The following INPP4B variants were observed in gnomAD, a reference collection of about 807,000 sequenced individuals.
INPP4B encodes the protein inositol polyphosphate 4-phosphatase type II.
INPP4B carries 55 observed loss-of-function variants against 122.5 expected under a neutral mutation model. The ratio of observed to expected loss-of-function variants is 0.45; its 90% CI spans 0.36 to 0.56. The LOEUF (loss-of-function observed/expected upper bound fraction) is 0.56, where lower values mean the gene tolerates loss of function less well. INPP4B is among the 20% of genes least tolerant of loss of function. The pLI is 0.00. For missense variants in INPP4B, 1,000 were observed against 1,097.7 expected (o/e 0.91, Z 1.26); for synonymous variants, 403 against 388.7 (o/e 1.04, Z -0.43).
chr4:142,080,120 C>T (rs1773117793), intron 25 of INPP4B, among the ~76,000 whole-genome samples: 1 of 151,934 alleles, frequency 6.6e-6, no homozygotes, highest in Non-Finnish European at 1.5e-5. Flanking sequence ...CTGAGAGGTA[C>T]AAGAGGTTGA....
At chr4:142,628,536 C>T (rs1747107118) in intron 2 of INPP4B, among the ~76,000 whole-genome samples, 1 of 108,030 alleles carries the variant, frequency 9.3e-6, no homozygotes, top group Non-Finnish European at 1.8e-5. Flanking sequence ...ACAATGTGCA[C>T]ATGTACCCTA....
chr4:142,447,338 A>G (rs1813134856), intron 3 of INPP4B, among the ~76,000 whole-genome samples: 1 of 152,136 alleles, frequency 6.6e-6, no homozygotes, highest in Non-Finnish European at 1.5e-5. Context: ...CTGCAGTGAG[A>G]AAAGAGTGAA....
At chr4:142,466,623 G>A (rs1310641818) in intron 2 of INPP4B, among the ~76,000 whole-genome samples, 2 of 152,210 alleles carry the variant, frequency 1.3e-5, no homozygotes, top group African/African-American at 2.4e-5. Context: ...GAAGCAGGCT[G>A]CAGAGCAACT....
intron 2 of INPP4B, among the ~76,000 whole-genome samples, chr4:142,605,982 C>T (rs565862193): frequency 3.8e-4 from 58 of 152,030 alleles, no homozygotes; most frequent in African/African-American, 1.4e-3. Context: ...AGCAAAGATA[C>T]TGAATCAATC....
In INPP4B at chr4:142,314,731, T is replaced by G. The variant is rs760031557; in HGVS notation, c.404A>C (p.Asp135Ala). 1.2e-6 allele frequency: 2 copies of G among 1,600,600 alleles called. No homozygotes were observed. Among genetic ancestry groups the G allele is most frequent in the East Asian group, 4.6e-5 (2 of 43,796 alleles). ...VRTSVLPEHK[D>A]PPPEVGRSFL... ...ACTTACCCCAACTTCTGGCGGGGGA[T>G]CCTTATGTTCTGGTAGGACACTGGT... The change falls in exon 8 of 26, where the codon GAT (aspartate) becomes GCT (alanine). Residue 135 changes from aspartate (D) to alanine (A), a missense_variant. Coordinates refer to ENST00000262992, the MANE Select transcript of INPP4B (RefSeq NM_001101669.3).
At chr4:142,731,040 G>A (rs1015566064) in intron 1 of INPP4B, among the ~76,000 whole-genome samples, 3 of 151,974 alleles carry the variant, frequency 2.0e-5, no homozygotes, top group South Asian at 2.1e-4. Context: ...AGGTAAACGC[G>A]TGCCATGCTG....
intron 25 of INPP4B, among the ~76,000 whole-genome samples, chr4:142,038,997 A>G (rs1745685417): frequency 6.6e-6 from 1 of 152,038 alleles, no homozygotes; most frequent in South Asian, 2.1e-4. Flanking sequence ...TATTCCTTTC[A>G]CTTCATGATT....
At chr4:142,140,168 G>T (rs1267489586) in intron 18 of INPP4B, among the ~76,000 whole-genome samples, 1 of 152,226 alleles carries the variant, frequency 6.6e-6, no homozygotes. Context: ...CTAATTCGAT[G>T]ATCTACATGG....
chr4:142,304,871 T>C (rs1762764042), intron 9 of INPP4B, among the ~76,000 whole-genome samples: 2 of 152,214 alleles, frequency 1.3e-5, no homozygotes, highest in South Asian at 2.1e-4. Flanking sequence ...TTTAACGCTC[T>C]TAGTAATTAA....
intron 7 of INPP4B, among the ~76,000 whole-genome samples, chr4:142,386,378 A>G (rs951323413): frequency 2.0e-5 from 3 of 152,154 alleles, no homozygotes; most frequent in Admixed American, 2.0e-4. Flanking sequence ...CAATATACTG[A>G]TTTCAATTTC....
chr4:142,570,277 T>TA (rs1440040287), intron 2 of INPP4B, among the ~76,000 whole-genome samples: 1 of 152,078 alleles, frequency 6.6e-6, no homozygotes, highest in African/African-American at 2.4e-5. Flanking sequence ...CCTCTTTTTT[T>TA]AAATCCCTGA....
chr4:142,747,561 C>A (rs2150938036), intron 1 of INPP4B, among the ~76,000 whole-genome samples: 1 of 152,240 alleles, frequency 6.6e-6, no homozygotes, highest in East Asian at 1.9e-4. Flanking sequence ...ACTATAAAGA[C>A]ACATGCACAT....
chr4:142,649,748 T>C (rs1752544053), intron 2 of INPP4B, among the ~76,000 whole-genome samples: 1 of 152,138 alleles, frequency 6.6e-6, no homozygotes, highest in Admixed American at 6.5e-5. Context: ...AATAGATATA[T>C]CTGAAAGTGA....
At chr4:142,199,129 CA>C (rs1839640376) in intron 14 of INPP4B, among the ~76,000 whole-genome samples, 1 of 151,952 alleles carries the variant, frequency 6.6e-6, no homozygotes, top group Non-Finnish European at 1.5e-5. Flanking sequence ...TAAAATATGG[CA>C]TTGTGAATTT....
At chr4:142,225,487 G>C (rs1354695232) in intron 12 of INPP4B, among the ~76,000 whole-genome samples, 1 of 150,150 alleles carries the variant, frequency 6.7e-6, no homozygotes, top group Non-Finnish European at 1.5e-5. Flanking sequence ...TATTAGTTCT[G>C]TCCCTCTAGA....
chr4:142,239,934 T>G (rs1858481198), intron 11 of INPP4B, among the ~76,000 whole-genome samples: 1 of 152,128 alleles, frequency 6.6e-6, no homozygotes, highest in African/African-American at 2.4e-5. Context: ...AGGTTAAAAA[T>G]CCTTGGATTT....
At chr4:142,297,778 C>T (rs548088442) in intron 9 of INPP4B, among the ~76,000 whole-genome samples, 22 of 152,290 alleles carry the variant, frequency 1.4e-4, no homozygotes, top group Non-Finnish European at 2.6e-4. Context: ...GTAGCTGTCA[C>T]ATTCTAAAAA....
chr4:142,031,048 G>A (rs1430833556), intron 25 of INPP4B, among the ~76,000 whole-genome samples: 1 of 152,062 alleles, frequency 6.6e-6, no homozygotes, highest in African/African-American at 2.4e-5. Context: ...TTTCTAGATT[G>A]TTTACTTTCT....
At chr4:142,661,033 C>A (rs1755077376) in intron 2 of INPP4B, 2 of 152,286 alleles carry the variant, frequency 1.3e-5, no homozygotes, top group South Asian at 4.1e-4. Context: ...AGCCTGCGCA[C>A]TGGGGTGGAG....
Sources: allele counts gnomAD v4.1 joint callset (sites outside exome capture counted in the v4.1 genomes callset), GRCh38; gene constraint gnomAD v4.1.1; transcripts MANE v1.5; gene names NCBI Gene and HGNC (gene_info 2026-07-23, HGNC 2026-07-21).